Variants in HMCN1 observed in about 807,000 individuals in gnomAD.
HMCN1 encodes the protein hemicentin-1.
In HMCN1, 321 loss-of-function variants were observed where a neutral mutation model predicts 625.9. The ratio of observed to expected loss-of-function variants is 0.51; its 90% confidence interval spans 0.47 to 0.56. The LOEUF is 0.56. Among genes scored for constraint, HMCN1 ranks in the 20% least tolerant of loss-of-function variants. The probability of loss-of-function intolerance (pLI) is 0.00; values close to 1 mark genes in which losing one functional copy is unlikely to be tolerated. For synonymous variants in HMCN1, 2,425 were observed against 2,417.6 expected (o/e 1.00, Z -0.09); for missense variants, 6,588 against 6,887.3 (o/e 0.96, Z 1.54).
Position 186,019,590 on chromosome 1 carries a change from A to C in HMCN1, c.5520A>C (p.Lys1840Asn). ...GCCTTTCTGAGAGAGTTGTGGTAAA[A>C]TACAAGCCTGTCGCCTTGCAGTGCA... ...SSGLSERVVV[K>N]YKPVALQCIA... Residue 1840 changes from lysine (K) to asparagine (N), a missense_variant, in exon 35 of 107, where the codon AAA becomes AAC. Lys to Asn is a moderately conservative substitution (Grantham distance 94, BLOSUM62 0). Around this residue, in one of 3 missense-constraint regions of HMCN1, gnomAD observed 4,628 missense variants for 4,853.1 expected, o/e 0.95. Coordinates refer to ENST00000271588, the MANE Select transcript of HMCN1 (RefSeq NM_031935.3). The C allele has an allele frequency of 6.2e-7, 1 of 1,610,860 alleles. No individual in the cohort carries two copies. The highest frequency in any genetic ancestry group is 8.5e-7 in the Non-Finnish European group (1 of 1,177,320).
chr1:186,048,985 G>C, intron 42 of HMCN1, 146 bp downstream of exon 42: 1 of 634,728 alleles, frequency 1.6e-6, no homozygotes, highest in Non-Finnish European at 2.8e-6. Flanking sequence ...AACTGTCCTG[G>C]GTATCAGTTC....
At chr1:185,976,233 C>A (rs1467207613) in intron 15 of HMCN1, among the ~76,000 whole-genome samples, 1 of 152,046 alleles carries the variant, frequency 6.6e-6, no homozygotes, top group Non-Finnish European at 1.5e-5. Flanking sequence ...GCCAATATTT[C>A]AACAGCCAGA....
chr1:186,128,822 C>T (rs997828319), intron 83 of HMCN1, among the ~76,000 whole-genome samples: 2 of 152,150 alleles, frequency 1.3e-5, no homozygotes, highest in Non-Finnish European at 2.9e-5. Flanking sequence ...CAAATATCTA[C>T]CTATTTGTTA....
chr1:185,859,695 G>T (rs930623047), intron 2 of HMCN1, among the ~76,000 whole-genome samples: 1 of 151,804 alleles, frequency 6.6e-6, no homozygotes, highest in Non-Finnish European at 1.5e-5. Flanking sequence ...ATGGAGTCTC[G>T]CTGGGAGTCA....
At chr1:186,129,501 G>A (rs1003457285) in intron 83 of HMCN1, among the ~76,000 whole-genome samples, 4 of 151,762 alleles carry the variant, frequency 2.6e-5, no homozygotes, top group South Asian at 2.1e-4. Context: ...AGTAGCATAC[G>A]TTTTCATAAT....
Position 186,112,933 on chromosome 1 carries a change from A to C in HMCN1, c.11111A>C (p.Glu3704Ala). The C allele has an allele frequency of 1.2e-6, 2 of 1,614,088 alleles. No individual in the cohort carries two copies. The highest frequency in any genetic ancestry group is 1.7e-6 in the Non-Finnish European group (2 of 1,180,000). ...AACATTGCAGGAAAGACTACAAGAG[A>C]ATTTATTCTCACTGTAAATGGTAAG... is the stretch of plus-strand genomic sequence containing the variant. The part of the protein sequence containing the change: ...ASNIAGKTTR[E>A]FILTVNVPPN... Residue 3704 changes from glutamate to alanine, a missense_variant, in exon 72 of 107, where the codon GAA (glutamate) becomes GCA (alanine). Glu to Ala is a moderately radical substitution (Grantham distance 107). This residue lies in a region of HMCN1 where 4,628 missense variants were observed against 4,853.1 expected (regional missense o/e 0.95). Coordinates refer to ENST00000271588, the MANE Select transcript of HMCN1 (RefSeq NM_031935.3).
Position 186,086,336 on chromosome 1 carries a change from C to T in HMCN1, c.8975C>T (p.Pro2992Leu), listed in dbSNP as rs574155244. 1.6e-5 allele frequency: 26 copies of T among 1,613,210 alleles called. 1 individual carries two copies. In the South Asian group the frequency reaches 2.0e-4, roughly 12 times the overall value. Residue 2992 changes from proline (P) to leucine (L), a missense_variant, in exon 58 of 107, where the codon CCA becomes CTA. Pro to Leu is a moderately conservative substitution (Grantham distance 98, BLOSUM62 -3). Coordinates refer to ENST00000271588, the MANE Select transcript of HMCN1 (RefSeq NM_031935.3). Reference sequence around the variant, plus strand: ...TTGACCTGTGAGGTCTCTGGTTTTCCACCTCCTGACCTCAGCTGGCTCAAG... The same window carrying T: ...TTGACCTGTGAGGTCTCTGGTTTTCTACCTCCTGACCTCAGCTGGCTCAAG... ...ISLTCEVSGF[P>L]PPDLSWLKNE... is the part of the protein sequence containing the mutation.
intron 93 of HMCN1, among the ~76,000 whole-genome samples, chr1:186,150,682 TAAAAG>T (rs1405151596): frequency 1.3e-5 from 2 of 152,048 alleles, no homozygotes; most frequent in African/African-American, 4.8e-5. Context: ...AGGCAACAAA[TAAAAG>T]AACACAGGGT....
At chr1:185,740,424 A>T (rs973220840) in intron 1 of HMCN1, among the ~76,000 whole-genome samples, 46 of 152,262 alleles carry the variant, frequency 3.0e-4, no homozygotes, top group Middle Eastern at 3.4e-3. Flanking sequence ...AATGAACTGG[A>T]TGTGAGGTCT....
Position 185,952,819 on chromosome 1 carries a change from C to T in HMCN1, c.1829-9699C>T, listed in dbSNP as rs890098624. On this transcript the variant is annotated intron_variant, in intron 11 of 106. Coordinates refer to ENST00000271588, the MANE Select transcript of HMCN1 (RefSeq NM_031935.3). ...AGCCTAGAGAAAAAGAGTAGAGACA[C>T]GGAGAAGGGGTAGGGGTTTCTTGCC... Among the ~76,000 whole-genome samples the T allele has an allele frequency of 5.3e-5, 8 of 151,388 alleles. 1 individual carries two copies. Among genetic ancestry groups the T allele is most frequent in the African/African-American group, 1.7e-4 (7 of 40,944 alleles).
At chr1:185,957,352 TGTTGA>T (rs1280090446) in intron 11 of HMCN1, among the ~76,000 whole-genome samples, 1 of 152,220 alleles carries the variant, frequency 6.6e-6, no homozygotes, top group Non-Finnish European at 1.5e-5. Context: ...AATTTGTCAC[TGTTGA>T]GTTGATACAG....
At chr1:186,059,467 T>G (rs562852209) in intron 46 of HMCN1, among the ~76,000 whole-genome samples, 1 of 152,130 alleles carries the variant, frequency 6.6e-6, no homozygotes, top group South Asian at 2.1e-4. Context: ...GTGTTTTGGT[T>G]TTATTTATCT....
intron 75 of HMCN1, among the ~76,000 whole-genome samples, chr1:186,116,700 G>C (rs1661151837): frequency 6.6e-6 from 1 of 152,116 alleles, no homozygotes. Flanking sequence ...TCTCCTAGGA[G>C]AGCCAGGTTG....
intron 1 of HMCN1, among the ~76,000 whole-genome samples, chr1:185,780,119 G>A (rs1288290951): frequency 2.0e-5 from 3 of 152,226 alleles, no homozygotes; most frequent in African/African-American, 2.4e-5. Context: ...ATTGTGAATG[G>A]GAGTTCACTC....
At chr1:185,983,953 T>C (rs1651834349) in intron 18 of HMCN1, among the ~76,000 whole-genome samples, 1 of 152,214 alleles carries the variant, frequency 6.6e-6, no homozygotes, top group Non-Finnish European at 1.5e-5. Context: ...CTGATAAATA[T>C]TAATAGGTAT....
intron 36 of HMCN1, among the ~76,000 whole-genome samples, chr1:186,032,746 G>GAAAAAAA (rs74542819): frequency 3.9e-5 from 1 of 25,408 alleles, no homozygotes. Flanking sequence ...TAAGTAAAAA[G>GAAAAAAA]AAAAAAAAAA....
chr1:185,916,128 C>T (rs1161219486), intron 6 of HMCN1, among the ~76,000 whole-genome samples: 1 of 151,886 alleles, frequency 6.6e-6, no homozygotes, highest in East Asian at 1.9e-4. Context: ...TTCCTAATCA[C>T]ACATTTCTCC....
intron 4 of HMCN1, among the ~76,000 whole-genome samples, chr1:185,868,576 C>T (rs948085351): frequency 2.6e-5 from 4 of 152,056 alleles, no homozygotes; most frequent in African/African-American, 9.7e-5. Flanking sequence ...GTGTTCACTC[C>T]CCCTTCCGTC....
chr1:186,155,059 G>C (rs956044307), intron 97 of HMCN1, among the ~76,000 whole-genome samples: 3 of 152,174 alleles, frequency 2.0e-5, no homozygotes, highest in African/African-American at 4.8e-5. Context: ...GTGTTTTGCT[G>C]TGTGCCAGCT....
Sources: allele counts gnomAD v4.1 joint callset (sites outside exome capture counted in the v4.1 genomes callset), GRCh38; gene constraint gnomAD v4.1.1; regional missense constraint gnomAD v4.1.1; transcripts MANE v1.5; gene names NCBI Gene and HGNC (gene_info 2026-07-23, HGNC 2026-07-21).